Variants in TPRX1 observed in about 807,000 individuals in gnomAD.
TPRX1 encodes the protein tetra-peptide repeat homeobox protein 1.
In TPRX1, 2 loss-of-function variants were observed where a neutral mutation model predicts 8.1. The observed-to-expected ratio is 0.25, with a 90% confidence interval of 0.10 to 0.78. TPRX1 has a LOEUF of 0.78. TPRX1 is among the 30% of genes least tolerant of loss of function. TPRX1 has a pLI of 0.70. For missense variants in TPRX1, 517 were observed against 586.9 expected, an observed-to-expected ratio of 0.88 and a Z score of 1.23; for synonymous variants, 257 against 254.1, an observed-to-expected ratio of 1.01 and a Z score of -0.11.
At chr19:47,816,441 G>T (rs566341364) in intron 2 of TPRX1, among the ~76,000 whole-genome samples, 4 of 151,622 alleles carry the variant, frequency 2.6e-5, no homozygotes, top group Non-Finnish European at 4.4e-5. Flanking sequence ...TGTAGAGATA[G>T]GGTCTCACTA....
intron 2 of TPRX1, among the ~76,000 whole-genome samples, chr19:47,813,090 G>C (rs1886781037): frequency 6.8e-6 from 1 of 147,882 alleles, no homozygotes; most frequent in Non-Finnish European, 1.5e-5. Context: ...CTGGGCGACA[G>C]AGTGAGACTG....
chr19:47,804,251 C>T (rs913992157), intron 2 of TPRX1, among the ~76,000 whole-genome samples: 1 of 151,546 alleles, frequency 6.6e-6, no homozygotes, highest in Non-Finnish European at 1.5e-5. Flanking sequence ...GACGGGTCTC[C>T]ACTATGTTGG....
rs75550063 is a variant in TPRX1 at position 47,806,669 on chromosome 19, C to T, written c.152-2996G>A. ...TGGATGAACCTTGCCAACATGATGC[C>T]GAGTGAAAGACGCCAGACTCAAAAG... On this transcript the variant is annotated intron_variant, in intron 2 of 3. Transcript: ENST00000535759. Among the ~76,000 whole-genome samples the T allele has an allele frequency of 4.8e-3, 734 of 152,178 alleles. 7 individuals are homozygous for T. The highest frequency in any genetic ancestry group is 0.017 in the African/African-American group (690 of 41,514).
chr19:47,806,541 CA>C (rs1323870213), intron 2 of TPRX1, among the ~76,000 whole-genome samples: 3 of 151,744 alleles, frequency 2.0e-5, no homozygotes, highest in African/African-American at 7.2e-5. Flanking sequence ...CAACATCCCC[CA>C]AAAAAACCCA....
At chr19:47,815,950 A>G (rs539645938) in intron 2 of TPRX1, among the ~76,000 whole-genome samples, 1 of 152,170 alleles carries the variant, frequency 6.6e-6, no homozygotes, top group East Asian at 1.9e-4. Flanking sequence ...TTTCTTTGGG[A>G]CTTGGGACAA....
At chr19:47,802,409 A>ACTGAGATTGGGCCTGGGATCGGGC (rs747763858) in exon 4 of TPRX1, 15 of 1,185,198 alleles carry the variant, frequency 1.3e-5, no homozygotes, top group Admixed American at 2.8e-5. Context: ...TGGGATCGGG[A>ACTGAGATTGGGCCTGGGATCGGGC]CTGAGATTGG....
rs62130757 is a variant in TPRX1 at position 47,802,369 on chromosome 19, T to C, written c.933A>G (p.Pro311=). Reference sequence around the variant, plus strand: ...TCGGGCCTGGGTTTGGGCCTGAGATTGGGCCTGAGATTGGGCCTGGGATCG... The same window carrying C: ...TCGGGCCTGGGTTTGGGCCTGAGATCGGGCCTGAGATTGGGCCTGGGATCG... Residue 311 remains proline (P), a synonymous_variant, in exon 4 of 4, where the codon CCA becomes CCG. Transcript: ENST00000535759. 0.08 allele frequency: 107,198 copies of C among 1,345,496 alleles called. 4,722 individuals are homozygous for C. The highest frequency in any genetic ancestry group is 0.2 in the East Asian group (7,546 of 38,198). 83.3% of individuals were successfully genotyped at this position (1,345,496 alleles called of 1,614,324 possible).
chr19:47,802,093 T>G (rs771767162), exon 4 of TPRX1: 1 of 1,591,584 alleles, frequency 6.3e-7, no homozygotes, highest in Non-Finnish European at 8.5e-7. Context: ...AGCCTGGGCC[T>G]AAAATCGGGG....
chr19:47,802,535 C>G (rs1474850072), exon 4 of TPRX1: 1 of 1,547,096 alleles, frequency 6.5e-7, no homozygotes, highest in Non-Finnish European at 8.7e-7. Flanking sequence ...CGGGGCTGGG[C>G]CTGAAATTGG....
At chr19:47,817,071 G>A (rs117496690) in intron 2 of TPRX1, among the ~76,000 whole-genome samples, 3,276 of 152,234 alleles carry the variant, frequency 0.022, 52 homozygotes, top group Middle Eastern at 0.034. Flanking sequence ...TGTGGAGTTC[G>A]GCACCCACTG....
chr19:47,801,667 C>T (rs2123708985), exon 4 of TPRX1: 2 of 1,315,898 alleles, frequency 1.5e-6, no homozygotes. Flanking sequence ...TGTCCACCTG[C>T]AGCAGGGTGG....
At chr19:47,802,702 G>A in exon 4 of TPRX1, 2 of 1,584,542 alleles carry the variant, frequency 1.3e-6, no homozygotes, top group Non-Finnish European at 1.7e-6. Flanking sequence ...CTGGGCCTGG[G>A]ATTGGGGCAG....
At chr19:47,818,331 A>G (rs1434706782) in intron 2 of TPRX1, 6 of 309,350 alleles carry the variant, frequency 1.9e-5, no homozygotes, top group Non-Finnish European at 3.1e-5. Flanking sequence ...CCATCCATCC[A>G]TCCATCCATC....
At position 47,809,103 on chromosome 19, in the gene TPRX1, T is replaced by C. The variant is rs548665873; in HGVS notation, c.152-5430A>G. Among the ~76,000 whole-genome samples the C allele has an allele frequency of 2.6e-5, 4 of 152,240 alleles. No homozygotes were observed. In the East Asian group the frequency reaches 7.7e-4, roughly 29 times the overall value. ...CTTTTTTTTCCCTCCCAAATCCCCA[T>C]GTCTGTAATAGGAAAAGCTCAAAGG... On this transcript the variant is annotated intron_variant, in intron 2 of 3. Coordinates refer to ENST00000535759, the Ensembl canonical transcript of TPRX1.
intron 2 of TPRX1, among the ~76,000 whole-genome samples, chr19:47,815,095 A>T (rs1380697403): frequency 3.6e-5 from 4 of 110,036 alleles, no homozygotes; most frequent in Non-Finnish European, 7.3e-5. Context: ...CATTGTGCTT[A>T]GCTCAATAAA....
intron 2 of TPRX1, among the ~76,000 whole-genome samples, chr19:47,805,227 A>T (rs1967725002): frequency 6.6e-6 from 1 of 152,136 alleles, no homozygotes; most frequent in South Asian, 2.1e-4. Flanking sequence ...TTTCTCCTGG[A>T]GAGTAAATGA....
At chr19:47,803,020 G>A (rs1967696300) in intron 3 of TPRX1, 40 bp from the exon 3 acceptor site, 3 of 1,510,396 alleles carry the variant, frequency 2.0e-6, no homozygotes, top group Non-Finnish European at 2.6e-6. Context: ...GTGAAGGAGG[G>A]GCTCGCGCGG....
At chr19:47,804,848 G>A (rs573592627) in intron 2 of TPRX1, among the ~76,000 whole-genome samples, 59 of 152,270 alleles carry the variant, frequency 3.9e-4, no homozygotes, top group Non-Finnish European at 6.3e-4. Context: ...AGTCAACATC[G>A]TGACCTGTGG....
exon 4 of TPRX1, chr19:47,802,815 C>A (rs1284248344): frequency 6.2e-7 from 1 of 1,601,404 alleles, no homozygotes; most frequent in Admixed American, 1.7e-5. Flanking sequence ...GTGGGTTCCG[C>A]CGCTGGAAGG....
Sources: gnomAD v4.1 joint callset for allele counts (sites outside exome capture counted in the v4.1 genomes callset) on GRCh38, gnomAD v4.1.1 for gene constraint, MANE v1.5 for transcripts, NCBI Gene and HGNC (gene_info 2026-07-23, HGNC 2026-07-21) for gene names.